The following DDX60L variants were observed in gnomAD, a reference collection of about 807,000 sequenced individuals.
DDX60L encodes the protein probable ATP-dependent RNA helicase DDX60-like.
Under a neutral mutation model 211.6 loss-of-function variants are expected in DDX60L, and 191 were observed. That is an observed-to-expected ratio of 0.90 (90% confidence interval 0.80 to 1.02). DDX60L has a LOEUF of 1.02. DDX60L is among the 50% of genes least tolerant of loss of function. The probability of loss-of-function intolerance (pLI) is 0.00; values close to 1 mark genes in which losing one functional copy is unlikely to be tolerated. For missense variants in DDX60L, 2,007 were observed against 1,984.1 expected (o/e 1.01, Z -0.22); for synonymous variants, 706 against 694.1 (o/e 1.02, Z -0.27).
chr4:168,412,445 G>C (rs1019123933), intron 22 of DDX60L, among the ~76,000 whole-genome samples: 5 of 151,994 alleles, frequency 3.3e-5, no homozygotes, highest in African/African-American at 4.8e-5. Context: ...ATTAGCAGTA[G>C]CCAGGAAAAA....
chr4:168,461,575 G>T, intron 5 of DDX60L, 124 bp downstream of exon 5: 1 of 661,748 alleles, frequency 1.5e-6, no homozygotes, highest in Non-Finnish European at 2.5e-6. Context: ...ATTATTAAAT[G>T]TATTACCTCT....
intron 36 of DDX60L, 104 bp from the exon 37 acceptor site, chr4:168,361,315 C>A: frequency 1.5e-6 from 1 of 677,100 alleles, no homozygotes; most frequent in Non-Finnish European, 2.6e-6. Flanking sequence ...AATTTATCTG[C>A]CAAATGCACT....
Position 168,384,708 on chromosome 4 carries a change from A to C in DDX60L, c.4020T>G (p.Pro1340=). 1.2e-6 allele frequency: 2 copies of C among 1,613,930 alleles called. No individual in the cohort carries two copies. Among genetic ancestry groups the C allele is most frequent in the Non-Finnish European group, 8.5e-7 (1 of 1,179,954 alleles). Residue 1340 remains proline, a synonymous_variant, in exon 30 of 38, where the codon CCT becomes CCG. Coordinates refer to ENST00000682922, the MANE Select transcript of DDX60L (RefSeq NM_001012967.3). The part of the protein sequence containing the change: ...KIKRLLASSV[P]ELRGQFPLSI... The stretch of plus-strand genomic sequence containing the variant: ...TGAGAGGGAACTGTCCTCTCAGCTC[A>C]GGAACACTGGATGCAAGGAGTCTTT...
chr4:168,396,186 G>A, intron 26 of DDX60L, 62 bp from the exon 27 acceptor site: 3 of 1,007,748 alleles, frequency 3.0e-6, no homozygotes, highest in Non-Finnish European at 4.2e-6. Context: ...GTTACTGCAA[G>A]AAGCCTAAGG....
At chr4:168,361,245 T>C (rs373253142) in intron 36 of DDX60L, 34 bp from the exon 37 acceptor site, 16 of 1,392,732 alleles carry the variant, frequency 1.1e-5, no homozygotes, top group African/African-American at 2.8e-5. Flanking sequence ...TTAAAAAGTA[T>C]AAAAACATAA....
chr4:168,406,572 A>G (rs767297525), intron 23 of DDX60L, 30 bp downstream of exon 23: 1 of 1,498,736 alleles, frequency 6.7e-7, no homozygotes, highest in Non-Finnish European at 9.1e-7. Flanking sequence ...ACTAAAGTTC[A>G]TTTTGGTGAA....
At position 168,373,706 on chromosome 4, in the gene DDX60L, T is replaced by C. The variant is rs1292708792; in HGVS notation, c.4736A>G (p.Asn1579Ser). Residue 1579 changes from asparagine (N) to serine (S), a missense_variant, in exon 35 of 38, where the codon AAC becomes AGC. Coordinates refer to ENST00000682922, the MANE Select transcript of DDX60L (RefSeq NM_001012967.3). ...TGGTCGAAGCAAATCATTATCTGTG[T>C]TCCCCGAAAGACAAACAAATGGTGA... ...AISPFVCLSG[N>S]TDNDLLRPET... 5 of 1,613,922 alleles carry C rather than the reference T, an allele frequency of 3.1e-6. No homozygotes were observed. The highest frequency in any genetic ancestry group is 1.1e-5 in the South Asian group (1 of 91,076).
In DDX60L at chr4:168,417,587, A is replaced by G. The variant is rs1749778071; in HGVS notation, c.2611-790T>C. Reference sequence around the variant, plus strand: ...AACTAACTGATTTTTTTTTCTTCAGAGTTTGTATCACAATGTTTACTTATA... The same window carrying G: ...AACTAACTGATTTTTTTTTCTTCAGGGTTTGTATCACAATGTTTACTTATA... On this transcript the variant is annotated intron_variant, in intron 19 of 37. Coordinates refer to ENST00000682922, the MANE Select transcript of DDX60L (RefSeq NM_001012967.3). Among the ~76,000 whole-genome samples the G allele has an allele frequency of 2.0e-5, 3 of 152,004 alleles. No individual in the cohort carries two copies. In the South Asian group the frequency reaches 6.2e-4, roughly 31 times the overall value.
chr4:168,377,347 T>G (rs1182678224), intron 33 of DDX60L, among the ~76,000 whole-genome samples: 1 of 150,874 alleles, frequency 6.6e-6, no homozygotes, highest in Non-Finnish European at 1.5e-5. Flanking sequence ...AATAAAAATA[T>G]CTTCTTTCCA....
In DDX60L at chr4:168,430,461, A is replaced by G. The variant is rs1752175132; in HGVS notation, c.1677+17T>C. 6.4e-7 allele frequency: 1 copy of G among 1,554,648 alleles called. No homozygotes were observed. Among genetic ancestry groups the G allele is most frequent in the Non-Finnish European group, 8.6e-7 (1 of 1,156,404 alleles). On this transcript the variant is annotated intron_variant, in intron 13 of 37. Transcript: ENST00000682922. ...CAACATCAAAGAAAAAAATTAGGTA[A>G]AATCTTTGCGATCTACCTGTAATAT...
At chr4:168,433,652 T>A (rs1214526510) in intron 10 of DDX60L, among the ~76,000 whole-genome samples, 1 of 152,208 alleles carries the variant, frequency 6.6e-6, no homozygotes, top group Non-Finnish European at 1.5e-5. Flanking sequence ...AATTTAGCTG[T>A]GTTCAAAACT....
intron 4 of DDX60L, chr4:168,469,049 C>T (rs1025550904): frequency 9.9e-5 from 15 of 152,158 alleles, no homozygotes; most frequent in African/African-American, 2.9e-4. Context: ...AAAATCCCAT[C>T]GTTCTTTTTA....
intron 1 of DDX60L, chr4:168,476,224 T>C (rs1407241499): frequency 6.6e-6 from 1 of 152,152 alleles, no homozygotes; most frequent in Non-Finnish European, 1.5e-5. Flanking sequence ...CTATTGTCAA[T>C]ACAAAGTGTA....
At chr4:168,459,827 G>GGGAGGGAA (rs1259208896) in intron 5 of DDX60L, among the ~76,000 whole-genome samples, 1 of 70,744 alleles carries the variant, frequency 1.4e-5, no homozygotes, top group African/African-American at 4.7e-5. Context: ...AGGGAAGGGA[G>GGGAGGGAA]GGAGGGAAGG....
At chr4:168,434,353 G>C (rs1752759252) in intron 10 of DDX60L, among the ~76,000 whole-genome samples, 1 of 152,198 alleles carries the variant, frequency 6.6e-6, no homozygotes, top group South Asian at 2.1e-4. Flanking sequence ...AGAGAGATTG[G>C]AAGGTTAGAG....
chr4:168,385,915 C>G (rs556277474), intron 29 of DDX60L, among the ~76,000 whole-genome samples: 72 of 151,832 alleles, frequency 4.7e-4, no homozygotes, highest in Admixed American at 9.2e-4. Context: ...AGTCCATATA[C>G]CCCCACTCTT....
intron 10 of DDX60L, among the ~76,000 whole-genome samples, chr4:168,434,272 T>C (rs1328205765): frequency 1.3e-5 from 2 of 152,224 alleles, no homozygotes; most frequent in African/African-American, 4.8e-5. Flanking sequence ...TATTTCTTCC[T>C]CTGATGTCTC....
chr4:168,358,838 A>G (rs1738619701), intron 37 of DDX60L, among the ~76,000 whole-genome samples: 1 of 151,628 alleles, frequency 6.6e-6, no homozygotes, highest in Non-Finnish European at 1.5e-5. Flanking sequence ...TTTATATTAC[A>G]CCTAAACTTG....
chr4:168,379,685 G>A, intron 31 of DDX60L, 41 bp downstream of exon 31: 1 of 1,487,810 alleles, frequency 6.7e-7, no homozygotes, highest in South Asian at 1.2e-5. Context: ...AGTTTACACG[G>A]TACTAGTTAC....
Sources: gnomAD v4.1 joint callset for allele counts (sites outside exome capture counted in the v4.1 genomes callset) on GRCh38, gnomAD v4.1.1 for gene constraint, MANE v1.5 for transcripts, NCBI Gene and HGNC (gene_info 2026-07-23, HGNC 2026-07-21) for gene names.